The following RYR3 variants were observed in gnomAD, a reference collection of about 807,000 sequenced individuals.
RYR3 encodes ryanodine receptor 3, also known as brain ryanodine receptor-calcium release channel.
RYR3 carries 207 observed loss-of-function variants against 584.3 expected under a neutral mutation model. That is an observed-to-expected ratio of 0.35 (90% CI 0.32 to 0.40). RYR3 has a LOEUF of 0.40. RYR3 is among the 10% of genes least tolerant of loss of function. The pLI, the probability that RYR3 is intolerant of heterozygous loss-of-function variation, is 1.00. For synonymous variants in RYR3, 2,416 were observed against 2,248.5 expected (o/e 1.07, Z -2.11); for missense variants, 5,616 against 6,089.2 (o/e 0.92, Z 2.59).
rs545701272 is a variant in RYR3, at chr15:33,721,865, T to C, written c.6620-850T>C. ...ATGGCTATCCCTAAGTGTCCAGTTC[T>C]ACCACTTAATCACTTTATCAGGAAA... On this transcript the variant is annotated intron_variant, in intron 43 of 103. Transcript: ENST00000634891. 9.8e-5 allele frequency among the ~76,000 whole-genome samples: 15 copies of C among 152,334 alleles called. 1 individual carries two copies. In the South Asian group the frequency reaches 2.9e-3, roughly 29 times the overall value.
Position 33,438,575 on chromosome 15 carries a change from G to C in RYR3, c.52-34844G>C, listed in dbSNP as rs113206049. ...CTTGCTCCTTTTATCTCCCATATAA[G>C]TTTTAGGATTAACTTATCAAGTTAC... On this transcript the variant is annotated intron_variant, in intron 1 of 103. Transcript: ENST00000634891. Among the ~76,000 whole-genome samples, 242 of 152,028 alleles carry C rather than the reference G, an allele frequency of 1.6e-3. 1 individual carries two copies. Among genetic ancestry groups the C allele is most frequent in the African/African-American group, 5.5e-3 (228 of 41,456 alleles).
rs184567686 is a variant in RYR3, at chr15:33,446,461, G to A, written c.52-26958G>A. Among the ~76,000 whole-genome samples the A allele has an allele frequency of 3.9e-5, 6 of 152,338 alleles. No homozygotes were observed. The East Asian group carries it at 1.2e-3, about 29-fold the overall frequency. ...TTTCCCACAGTTACAGAGGCTGGAA[G>A]CCCGAGATCAAGGTGTCAACAGATT... On this transcript the variant is annotated intron_variant, in intron 1 of 103. Coordinates refer to ENST00000634891, the MANE Select transcript of RYR3 (RefSeq NM_001036.6).
chr15:33,615,216 G>C (rs2060391261), intron 19 of RYR3, among the ~76,000 whole-genome samples: 1 of 152,160 alleles, frequency 6.6e-6, no homozygotes, highest in Non-Finnish European at 1.5e-5. Flanking sequence ...CAGGAGGAGA[G>C]TTGTGGGAAG....
chr15:33,532,340 C>T (rs571452176), intron 4 of RYR3, among the ~76,000 whole-genome samples: 13 of 152,160 alleles, frequency 8.5e-5, no homozygotes, highest in African/African-American at 2.7e-4. Context: ...AGTTTTAAAG[C>T]TCATAGAAAA....
intron 60 of RYR3, among the ~76,000 whole-genome samples, chr15:33,763,590 GTGA>G (rs960399284): frequency 6.6e-6 from 1 of 152,090 alleles, no homozygotes; most frequent in Admixed American, 6.5e-5. Flanking sequence ...AGTTAGAATG[GTGA>G]TGATTAAAAA....
chr15:33,758,747 G>A (rs1052886635), intron 60 of RYR3, among the ~76,000 whole-genome samples: 10 of 152,208 alleles, frequency 6.6e-5, no homozygotes, highest in African/African-American at 4.8e-5. Context: ...CTGCCTGCCG[G>A]CTCTGAACAT....
At chr15:33,510,384 G>T (rs1325474041) in intron 3 of RYR3, among the ~76,000 whole-genome samples, 1 of 152,166 alleles carries the variant, frequency 6.6e-6, no homozygotes, top group African/African-American at 2.4e-5. Flanking sequence ...ACTTCCTCTG[G>T]TGTGTCCTGT....
intron 18 of RYR3, among the ~76,000 whole-genome samples, chr15:33,607,878 T>C (rs1406014964): frequency 6.6e-6 from 1 of 152,138 alleles, no homozygotes; most frequent in Non-Finnish European, 1.5e-5. Context: ...TTGCTCTATA[T>C]AGATTAATTG....
In RYR3 at chr15:33,680,877, GAC is replaced by G. The variant is rs575420025; in HGVS notation, c.5860+10323_5860+10324del. 1.1e-3 allele frequency among the ~76,000 whole-genome samples: 167 copies of G among 152,320 alleles called. 1 individual carries two copies. Among genetic ancestry groups the G allele is most frequent in the African/African-American group, 3.8e-3 (158 of 41,556 alleles). ...TTTAATTTATTCAGGGGTAAATGTT[GAC>G]ATGCAGCCGGTTCTGGCTCGTGATT... On this transcript the variant is annotated intron_variant, in intron 38 of 103. Coordinates refer to ENST00000634891, the MANE Select transcript of RYR3 (RefSeq NM_001036.6).
At chr15:33,626,545 G>T (rs947647961) in intron 20 of RYR3, among the ~76,000 whole-genome samples, 1 of 152,184 alleles carries the variant, frequency 6.6e-6, no homozygotes. Flanking sequence ...ACAAGGAGCC[G>T]AATGTTAATC....
chr15:33,819,706 A>ATAAAT (rs2077009350), intron 76 of RYR3, 50 bp from the exon 77 acceptor site: 5 of 949,450 alleles, frequency 5.3e-6, no homozygotes, highest in Non-Finnish European at 7.3e-6. Flanking sequence ...AAATAAATAA[A>ATAAAT]TAAATAAATA....
chr15:33,774,556 C>A (rs941262958), intron 64 of RYR3, among the ~76,000 whole-genome samples: 2 of 152,144 alleles, frequency 1.3e-5, no homozygotes, highest in Non-Finnish European at 2.9e-5. Flanking sequence ...TCAGCCCCTT[C>A]AAGAACTAAG....
chr15:33,634,559 G>A, intron 24 of RYR3, 27 bp from the exon 25 acceptor site: 1 of 1,612,826 alleles, frequency 6.2e-7, no homozygotes, highest in South Asian at 1.1e-5. Flanking sequence ...TGTTTTCTTG[G>A]CACCTTTTTT....
At chr15:33,532,376 A>G (rs1362455328) in intron 4 of RYR3, among the ~76,000 whole-genome samples, 1 of 151,978 alleles carries the variant, frequency 6.6e-6, no homozygotes, top group Non-Finnish European at 1.5e-5. Flanking sequence ...ACAGAAGGTC[A>G]TGGGACCTTC....
chr15:33,777,482 T>C (rs2074070984), intron 64 of RYR3, among the ~76,000 whole-genome samples: 1 of 152,318 alleles, frequency 6.6e-6, no homozygotes. Flanking sequence ...TTACTTTTTT[T>C]TTTCCCCTGG....
chr15:33,859,858 C>T, intron 100 of RYR3, 127 bp downstream of exon 100: 1 of 1,055,610 alleles, frequency 9.5e-7, no homozygotes, highest in Non-Finnish European at 1.4e-6. Context: ...TTAGCAAGAA[C>T]TAATTTAGCA....
intron 27 of RYR3, among the ~76,000 whole-genome samples, chr15:33,642,724 C>T (rs921214519): frequency 6.6e-6 from 1 of 152,190 alleles, no homozygotes; most frequent in African/African-American, 2.4e-5. Context: ...GCCCCTATCA[C>T]AAAAATACAG....
At chr15:33,831,400 A>G (rs940721281) in intron 86 of RYR3, among the ~76,000 whole-genome samples, 3 of 152,258 alleles carry the variant, frequency 2.0e-5, no homozygotes, top group African/African-American at 7.2e-5. Context: ...AAAACTCTTT[A>G]TATCTAGAAA....
chr15:33,696,182 C>T (rs947439549), intron 38 of RYR3, 36 bp from the exon 39 acceptor site: 38 of 1,584,724 alleles, frequency 2.4e-5, no homozygotes, highest in Non-Finnish European at 2.8e-5. Flanking sequence ...TGAGCCATGA[C>T]AGCCACAGTC....
Sources: allele counts gnomAD v4.1 joint callset (sites outside exome capture counted in the v4.1 genomes callset), GRCh38; gene constraint gnomAD v4.1.1; transcripts MANE v1.5; gene names NCBI Gene and HGNC (gene_info 2026-07-23, HGNC 2026-07-21).